The following SPAG16 variants were observed in gnomAD, a reference collection of about 807,000 sequenced individuals.
SPAG16 encodes the protein sperm-associated antigen 16 protein.
Under a neutral mutation model 80.4 loss-of-function variants are expected in SPAG16, and 86 were observed. The ratio of observed to expected loss-of-function variants is 1.07; its 90% CI spans 0.90 to 1.28. The LOEUF (loss-of-function observed/expected upper bound fraction) is 1.28, where lower values mean the gene tolerates loss of function less well. Among genes scored for constraint, SPAG16 ranks in the 50% most tolerant of loss-of-function variants. SPAG16 has a pLI of 0.00. For missense variants in SPAG16, 870 were observed against 765.3 expected (o/e 1.14, Z -1.61); for synonymous variants, 294 against 265.9 (o/e 1.11, Z -1.03).
At chr2:213,639,890 T>C (rs2062520925) in intron 10 of SPAG16, among the ~76,000 whole-genome samples, 1 of 152,224 alleles carries the variant, frequency 6.6e-6, no homozygotes, top group African/African-American at 2.4e-5. Context: ...TTCTTAAGTT[T>C]GTTCAATAAT....
At chr2:213,663,112 C>T (rs1168110956) in intron 10 of SPAG16, among the ~76,000 whole-genome samples, 1 of 151,970 alleles carries the variant, frequency 6.6e-6, no homozygotes, top group East Asian at 1.9e-4. Context: ...AAAAAATTAA[C>T]TTTAGTGTGA....
At chr2:213,788,205 TA>T (rs1377153512) in intron 10 of SPAG16, among the ~76,000 whole-genome samples, 1 of 151,952 alleles carries the variant, frequency 6.6e-6, no homozygotes, top group Non-Finnish European at 1.5e-5. Context: ...TCATAGCAAC[TA>T]AAAATTAAGA....
chr2:214,297,245 C>T (rs1343811124), intron 15 of SPAG16, among the ~76,000 whole-genome samples: 1 of 151,984 alleles, frequency 6.6e-6, no homozygotes, highest in Non-Finnish European at 1.5e-5. Context: ...CAATTATTTT[C>T]TTCAATTCTG....
At chr2:213,724,149 T>A (rs2066649325) in intron 10 of SPAG16, among the ~76,000 whole-genome samples, 1 of 152,062 alleles carries the variant, frequency 6.6e-6, no homozygotes, top group African/African-American at 2.4e-5. Context: ...TGAGTGGAAA[T>A]AGTATAAGGA....
At chr2:213,593,440 C>T (rs2060775979) in intron 10 of SPAG16, among the ~76,000 whole-genome samples, 1 of 152,058 alleles carries the variant, frequency 6.6e-6, no homozygotes, top group Admixed American at 6.5e-5. Flanking sequence ...CTTATGAGCT[C>T]TTAATATTAC....
intron 10 of SPAG16, among the ~76,000 whole-genome samples, chr2:213,560,254 TA>T (rs1313290052): frequency 2.0e-5 from 3 of 152,076 alleles, no homozygotes; most frequent in East Asian, 1.9e-4. Context: ...TAGAGGATTA[TA>T]AAAAATGTGG....
chr2:213,735,881 A>T (rs892087425), intron 10 of SPAG16, among the ~76,000 whole-genome samples: 2 of 152,204 alleles, frequency 1.3e-5, no homozygotes, highest in Non-Finnish European at 2.9e-5. Context: ...GGATGTTTTG[A>T]ATATTATGGA....
At chr2:213,465,749 A>T (rs1427621852) in intron 9 of SPAG16, among the ~76,000 whole-genome samples, 1 of 152,192 alleles carries the variant, frequency 6.6e-6, no homozygotes, top group Non-Finnish European at 1.5e-5. Context: ...GCCCAGAGGC[A>T]GGCCAGTCAT....
chr2:214,085,050 C>T (rs532171777), intron 13 of SPAG16, among the ~76,000 whole-genome samples: 1 of 152,230 alleles, frequency 6.6e-6, no homozygotes, highest in Non-Finnish European at 1.5e-5. Flanking sequence ...AGGTGCTTTA[C>T]TTCAGTCTTT....
intron 15 of SPAG16, among the ~76,000 whole-genome samples, chr2:214,344,498 G>A (rs554919054): frequency 1.3e-5 from 2 of 152,062 alleles, no homozygotes; most frequent in East Asian, 1.9e-4. Context: ...ATATGATTGT[G>A]TGTTCTTCTT....
chr2:214,125,418 A>G (rs534496070), intron 14 of SPAG16, among the ~76,000 whole-genome samples: 6 of 151,908 alleles, frequency 3.9e-5, no homozygotes, highest in African/African-American at 1.4e-4. Flanking sequence ...TGGTAAAAAC[A>G]GACTTTTTTG....
chr2:213,748,160 T>C lies in SPAG16; in HGVS notation c.1071-114325T>C, dbSNP rs1281584729. On this transcript the variant is annotated intron_variant, in intron 10 of 15. Transcript: ENST00000331683. ...CAGGTTACAAAAAATAGACATAGAG[T>C]TGTTAACAGCATAGTTCATGAATTT... Among the ~76,000 whole-genome samples, 2 of 152,114 alleles carry C rather than the reference T, an allele frequency of 1.3e-5. 1 individual carries two copies. The highest frequency in any genetic ancestry group is 2.9e-5 in the Non-Finnish European group (2 of 68,024).
chr2:214,078,579 G>A (rs1332695543), intron 13 of SPAG16, among the ~76,000 whole-genome samples: 2 of 148,556 alleles, frequency 1.3e-5, no homozygotes, highest in East Asian at 3.9e-4. Context: ...CTCCTTTTCT[G>A]TGTGTCTCTT....
intron 9 of SPAG16, among the ~76,000 whole-genome samples, chr2:213,468,417 A>G (rs1230675943): frequency 6.9e-6 from 1 of 144,294 alleles, no homozygotes; most frequent in African/African-American, 2.5e-5. Context: ...GTATTTATGT[A>G]CAGATATATA....
intron 15 of SPAG16, among the ~76,000 whole-genome samples, chr2:214,247,818 G>C (rs1479105525): frequency 6.6e-6 from 1 of 152,052 alleles, no homozygotes; most frequent in Non-Finnish European, 1.5e-5. Context: ...GATTGCTTGA[G>C]GTCAGAAGTT....
At chr2:213,926,648 T>C (rs2078493414) in intron 11 of SPAG16, among the ~76,000 whole-genome samples, 1 of 152,128 alleles carries the variant, frequency 6.6e-6, no homozygotes, top group South Asian at 2.1e-4. Flanking sequence ...TGCAGATTCA[T>C]GTTATAACCT....
At chr2:214,311,715 T>G (rs1695337391) in intron 15 of SPAG16, 1 of 152,142 alleles carries the variant, frequency 6.6e-6, no homozygotes, top group Admixed American at 6.6e-5. Context: ...CACCTGCAAA[T>G]TTGATCTTCT....
chr2:213,607,003 A>G (rs1286330359), intron 10 of SPAG16, among the ~76,000 whole-genome samples: 2 of 152,224 alleles, frequency 1.3e-5, no homozygotes, highest in African/African-American at 4.8e-5. Flanking sequence ...TAGAGTAGAA[A>G]TCAGCTGGAG....
intron 13 of SPAG16, among the ~76,000 whole-genome samples, chr2:214,020,192 C>G (rs1044997842): frequency 4.6e-5 from 7 of 152,150 alleles, no homozygotes; most frequent in African/African-American, 1.7e-4. Flanking sequence ...CAGGCTGCCT[C>G]TCCAACCTCG....
Sources: allele counts gnomAD v4.1 joint callset (sites outside exome capture counted in the v4.1 genomes callset), GRCh38; gene constraint gnomAD v4.1.1; transcripts MANE v1.5; gene names NCBI Gene and HGNC (gene_info 2026-07-23, HGNC 2026-07-21).